The following NRXN3 variants were observed in gnomAD, a reference collection of about 807,000 sequenced individuals.
NRXN3 encodes neurexin III.
NRXN3 carries 32 observed loss-of-function variants against 137.6 expected under a neutral mutation model. The ratio of observed to expected loss-of-function variants is 0.23; its 90% CI spans 0.18 to 0.31. NRXN3 has a LOEUF of 0.31. NRXN3 is among the 10% of genes least tolerant of loss of function. The probability of loss-of-function intolerance (pLI) is 1.00; values close to 1 mark genes in which losing one functional copy is unlikely to be tolerated. For synonymous variants in NRXN3, 798 were observed against 784.5 expected (o/e 1.02, Z -0.29); for missense variants, 1,574 against 2,062.5 (o/e 0.76, Z 4.59).
At chr14:78,993,759 C>T (rs1406226838) in intron 15 of NRXN3, among the ~76,000 whole-genome samples, 1 of 149,828 alleles carries the variant, frequency 6.7e-6, no homozygotes, top group African/African-American at 2.4e-5. Flanking sequence ...GGAGTAATGG[C>T]AGCTGTCCCC....
At position 79,264,522 on chromosome 14, in the gene NRXN3, A is replaced by ATGTGTG. The variant is rs34099529; in HGVS notation, c.3263-202668_3263-202663dup. On this transcript the variant is annotated intron_variant, in intron 15 of 20. Transcript: ENST00000335750. ...GCTGCCTTCTCTGTGTGTTTACATG[A>ATGTGTG]TGTGTGTGTGTGTGTGTGTGTGTGT... is the stretch of plus-strand genomic sequence containing the variant. Among the ~76,000 whole-genome samples the ATGTGTG allele has an allele frequency of 3.0e-3, 440 of 145,298 alleles. 6 individuals are homozygous for ATGTGTG. The highest frequency in any genetic ancestry group is 6.8e-3 in the Admixed American group (98 of 14,440).
At chr14:79,639,374 T>C (rs2098421302) in intron 16 of NRXN3, among the ~76,000 whole-genome samples, 1 of 152,184 alleles carries the variant, frequency 6.6e-6, no homozygotes, top group African/African-American at 2.4e-5. Flanking sequence ...TCCTACCCTC[T>C]ACCCTCAAGT....
chr14:79,093,657 C>T (rs2049653794), intron 15 of NRXN3, among the ~76,000 whole-genome samples: 1 of 152,162 alleles, frequency 6.6e-6, no homozygotes, highest in East Asian at 1.9e-4. Flanking sequence ...CTTTGAGAAA[C>T]AGCATAAACC....
chr14:78,501,946 C>A (rs767958777), intron 4 of NRXN3, among the ~76,000 whole-genome samples: 49 of 152,120 alleles, frequency 3.2e-4, no homozygotes, highest in Non-Finnish European at 5.6e-4. Flanking sequence ...TGCAGCCCCC[C>A]CAGGGTCTGT....
intron 20 of NRXN3, among the ~76,000 whole-genome samples, chr14:79,832,862 A>G (rs998205445): frequency 2.0e-5 from 3 of 152,204 alleles, no homozygotes; most frequent in Non-Finnish European, 4.4e-5. Context: ...AAATGGATTT[A>G]TTCTTTTAGA....
intron 15 of NRXN3, among the ~76,000 whole-genome samples, chr14:79,178,737 C>A (rs2062615162): frequency 6.6e-6 from 1 of 152,128 alleles, no homozygotes; most frequent in Admixed American, 6.6e-5. Flanking sequence ...TACATATGTT[C>A]AACTGCATGT....
chr14:78,400,145 G>A (rs2091913791), intron 4 of NRXN3, among the ~76,000 whole-genome samples: 1 of 152,166 alleles, frequency 6.6e-6, no homozygotes, highest in Non-Finnish European at 1.5e-5. Flanking sequence ...AGCCATGGCA[G>A]AAAAAGGCAT....
intron 4 of NRXN3, among the ~76,000 whole-genome samples, chr14:78,402,182 G>C (rs1369596544): frequency 6.6e-6 from 1 of 152,212 alleles, no homozygotes; most frequent in African/African-American, 2.4e-5. Flanking sequence ...ATCTGCCCTT[G>C]AGGATGTTAT....
chr14:79,083,910 T>C (rs1374061159), intron 15 of NRXN3, among the ~76,000 whole-genome samples: 1 of 152,110 alleles, frequency 6.6e-6, no homozygotes, highest in East Asian at 1.9e-4. Context: ...TTTTTGTTTA[T>C]TTGTTTGTTT....
chr14:78,584,599 A>T (rs2097041475), intron 4 of NRXN3, among the ~76,000 whole-genome samples: 1 of 152,202 alleles, frequency 6.6e-6, no homozygotes, highest in Admixed American at 6.5e-5. Flanking sequence ...ATGGTCTCTC[A>T]TTCTTTGTGA....
At chr14:79,579,587 T>A (rs1260372536) in intron 16 of NRXN3, among the ~76,000 whole-genome samples, 1 of 151,990 alleles carries the variant, frequency 6.6e-6, no homozygotes, top group Non-Finnish European at 1.5e-5. Context: ...GGCTTACATA[T>A]GAATCTGAAA....
At chr14:79,686,065 G>A (rs533102625) in intron 17 of NRXN3, among the ~76,000 whole-genome samples, 98 of 152,042 alleles carry the variant, frequency 6.4e-4, no homozygotes, top group East Asian at 1.9e-4. Flanking sequence ...AGGTCGAGGC[G>A]GGTGGATCAC....
intron 15 of NRXN3, among the ~76,000 whole-genome samples, chr14:79,451,235 T>A (rs921758056): frequency 6.6e-6 from 1 of 151,998 alleles, no homozygotes; most frequent in East Asian, 1.9e-4. Context: ...TTTAATGATC[T>A]CTGCAATCTC....
At chr14:78,642,166 A>T (rs1421308101) in intron 4 of NRXN3, among the ~76,000 whole-genome samples, 1 of 152,218 alleles carries the variant, frequency 6.6e-6, no homozygotes, top group Non-Finnish European at 1.5e-5. Flanking sequence ...AGTGATGGGC[A>T]AAGGGAAGAT....
At chr14:79,236,973 G>C (rs1311413498) in intron 15 of NRXN3, among the ~76,000 whole-genome samples, 2 of 151,898 alleles carry the variant, frequency 1.3e-5, no homozygotes, top group Non-Finnish European at 2.9e-5. Context: ...CATGAATTAA[G>C]ATTCTTCCTC....
At chr14:79,661,807 T>C (rs2153985071) in intron 16 of NRXN3, 1 of 152,184 alleles carries the variant, frequency 6.6e-6, no homozygotes, top group African/African-American at 2.4e-5. Flanking sequence ...TAATAGAAGA[T>C]AACAAAGGAT....
chr14:78,438,311 A>G (rs2094136720), intron 4 of NRXN3, among the ~76,000 whole-genome samples: 1 of 152,154 alleles, frequency 6.6e-6, no homozygotes, highest in Admixed American at 6.5e-5. Context: ...TTTGGTTTTG[A>G]GTTCAAAAGA....
At chr14:79,441,295 A>G (rs2095940005) in intron 15 of NRXN3, among the ~76,000 whole-genome samples, 1 of 151,500 alleles carries the variant, frequency 6.6e-6, no homozygotes, top group African/African-American at 2.4e-5. Context: ...TTTCAATTCT[A>G]AAAATTTTGA....
intron 19 of NRXN3, among the ~76,000 whole-genome samples, chr14:79,698,312 G>C (rs1295726392): frequency 2.0e-5 from 3 of 151,942 alleles, no homozygotes; most frequent in Non-Finnish European, 4.4e-5. Flanking sequence ...CTATATCCTA[G>C]TTCAATTTCA....
Sources: gnomAD v4.1 joint callset for allele counts (sites outside exome capture counted in the v4.1 genomes callset) on GRCh38, gnomAD v4.1.1 for gene constraint, MANE v1.5 for transcripts, NCBI Gene and HGNC (gene_info 2026-07-23, HGNC 2026-07-21) for gene names.